The following DGLUCY variants were observed in gnomAD, a reference collection of about 807,000 sequenced individuals.
DGLUCY encodes the protein D-glutamate cyclase.
DGLUCY carries 58 observed loss-of-function variants against 58.5 expected under a neutral mutation model. The observed-to-expected ratio is 0.99, with a 90% confidence interval of 0.80 to 1.23. The LOEUF (loss-of-function observed/expected upper bound fraction) is 1.23, where lower values mean the gene tolerates loss of function less well. Ranked by LOEUF, DGLUCY falls within the 50% of genes most tolerant of loss-of-function variation. The pLI is 0.00. For missense variants in DGLUCY, 779 were observed against 784.7 expected, an observed-to-expected ratio of 0.99 and a Z score of 0.09; for synonymous variants, 325 against 314.1, an observed-to-expected ratio of 1.03 and a Z score of -0.37.
At chr14:91,220,581 T>G (rs1367822641) in intron 13 of DGLUCY, 2 of 456,228 alleles carry the variant, frequency 4.4e-6, no homozygotes, top group Admixed American at 4.7e-5. Flanking sequence ...AGATGCCATG[T>G]GGCGTCATGT....
intron 9 of DGLUCY, among the ~76,000 whole-genome samples, chr14:91,194,327 C>T (rs2050079913): frequency 6.6e-6 from 1 of 152,168 alleles, no homozygotes; most frequent in African/African-American, 2.4e-5. Context: ...GTTCAGCCCC[C>T]TTTCCAGATT....
chr14:91,089,477 T>C (rs61989787), intron 1 of DGLUCY, among the ~76,000 whole-genome samples: 9,110 of 152,262 alleles, frequency 0.06, 375 homozygotes, highest in Non-Finnish European at 0.091. Context: ...TCTGTCGCCT[T>C]ATAAACTAGG....
At chr14:91,164,064 C>G (rs567565148) in intron 3 of DGLUCY, among the ~76,000 whole-genome samples, 1 of 152,168 alleles carries the variant, frequency 6.6e-6, no homozygotes, top group Non-Finnish European at 1.5e-5. Context: ...ATTCTCCTGT[C>G]TCAGCCTCCC....
chr14:91,221,118 C>T (rs1052205824), intron 13 of DGLUCY, among the ~76,000 whole-genome samples: 3 of 152,226 alleles, frequency 2.0e-5, no homozygotes, highest in Non-Finnish European at 4.4e-5. Context: ...TCTGCTCCAT[C>T]TCTGCTCCAG....
At chr14:91,188,851 A>G in intron 8 of DGLUCY, 59 bp from the exon 9 acceptor site, 2 of 1,508,788 alleles carry the variant, frequency 1.3e-6, no homozygotes, top group Non-Finnish European at 1.8e-6. Context: ...ACATACATAC[A>G]TACATACAAA....
chr14:91,147,256 A>T (rs1355374292), intron 1 of DGLUCY, among the ~76,000 whole-genome samples: 2 of 152,178 alleles, frequency 1.3e-5, no homozygotes, highest in Non-Finnish European at 2.9e-5. Context: ...CACTGGTTTT[A>T]TGCAATGTCA....
chr14:91,221,495 T>A (rs1294574101), intron 13 of DGLUCY, among the ~76,000 whole-genome samples: 1 of 150,790 alleles, frequency 6.6e-6, no homozygotes, highest in Non-Finnish European at 1.5e-5. Flanking sequence ...AATGGATGGA[T>A]GCATGGATGG....
At chr14:91,194,502 G>C (rs138645610) in intron 9 of DGLUCY, among the ~76,000 whole-genome samples, 1 of 151,832 alleles carries the variant, frequency 6.6e-6, no homozygotes, top group Non-Finnish European at 1.5e-5. Flanking sequence ...TGTGGGCTGA[G>C]GTTAGGGAGG....
intron 12 of DGLUCY, among the ~76,000 whole-genome samples, chr14:91,206,565 T>C (rs1054993672): frequency 1.3e-5 from 2 of 151,974 alleles, no homozygotes; most frequent in Non-Finnish European, 2.9e-5. Context: ...GTGTTTTTGG[T>C]AGAGACGGGG....
chr14:91,076,695 G>A (rs1050914149), intron 1 of DGLUCY, among the ~76,000 whole-genome samples: 1 of 152,162 alleles, frequency 6.6e-6, no homozygotes, highest in Admixed American at 6.5e-5. Context: ...GCATGGGTGA[G>A]GGATGGAGTA....
chr14:91,196,087 A>G (rs980067922), intron 9 of DGLUCY, among the ~76,000 whole-genome samples: 1 of 152,214 alleles, frequency 6.6e-6, no homozygotes, highest in Non-Finnish European at 1.5e-5. Context: ...GGGCCAGAAC[A>G]GGCCGCTGTT....
chr14:91,204,301 G>A (rs2050745937), intron 11 of DGLUCY, among the ~76,000 whole-genome samples: 1 of 152,140 alleles, frequency 6.6e-6, no homozygotes, highest in African/African-American at 2.4e-5. Context: ...CATTCTTTCA[G>A]CAGAAGCCTT....
At chr14:91,159,611 A>G (rs766013657) in intron 2 of DGLUCY, among the ~76,000 whole-genome samples, 2 of 152,180 alleles carry the variant, frequency 1.3e-5, no homozygotes, top group Non-Finnish European at 2.9e-5. Context: ...TACAATATCT[A>G]TTTACTCACC....
chr14:91,071,322 G>A (rs2043913288), intron 1 of DGLUCY, among the ~76,000 whole-genome samples: 1 of 136,968 alleles, frequency 7.3e-6, no homozygotes, highest in Admixed American at 8.0e-5. Context: ...GGGCAACAGA[G>A]CGAGATTCCA....
intron 1 of DGLUCY, among the ~76,000 whole-genome samples, chr14:91,062,520 C>A (rs2043720079): frequency 7.6e-6 from 1 of 131,970 alleles, no homozygotes; most frequent in Non-Finnish European, 1.6e-5. Context: ...TGCACTTCAG[C>A]CTGGGCAACA....
chr14:91,179,877 T>A (rs1477009325), intron 7 of DGLUCY, among the ~76,000 whole-genome samples: 1 of 149,052 alleles, frequency 6.7e-6, no homozygotes, highest in Non-Finnish European at 1.5e-5. Context: ...ACCACGAGTA[T>A]GCTAAACACT....
intron 1 of DGLUCY, among the ~76,000 whole-genome samples, chr14:91,098,743 G>A (rs1339086058): frequency 6.6e-6 from 1 of 152,148 alleles, no homozygotes; most frequent in Non-Finnish European, 1.5e-5. Context: ...ACTCTATGAG[G>A]ACAGGGATTG....
rs894545903 is a variant in DGLUCY, at chr14:91,114,240, G to C, written c.-125G>C. On this transcript the variant is annotated 5_prime_UTR_variant, in exon 1 of 14. Transcript: ENST00000256324. Reference sequence around the variant, plus strand: ...ATTCTGCAAGGCCGTGGAAACAAAGGGAGGAACTGTTTGTAGCCCTCGTCC... The same window carrying C: ...ATTCTGCAAGGCCGTGGAAACAAAGCGAGGAACTGTTTGTAGCCCTCGTCC... The C allele has an allele frequency of 1.3e-5, 2 of 152,362 alleles. No homozygotes were observed. Among genetic ancestry groups the C allele is most frequent in the African/African-American group, 4.8e-5 (2 of 41,442 alleles). The allele number at this position is 152,362 out of a possible 1,614,324, so 9.4% of individuals were successfully genotyped here. A position where few individuals can be genotyped will look rare whatever the true frequency, so the allele number is the denominator to read the frequency against.
At chr14:91,176,954 T>G (rs2140432192) in intron 7 of DGLUCY, among the ~76,000 whole-genome samples, 1 of 152,070 alleles carries the variant, frequency 6.6e-6, no homozygotes, top group South Asian at 2.1e-4. Context: ...TTCTTCTTTC[T>G]TCTTTCTCTC....
Sources: allele counts gnomAD v4.1 joint callset (sites outside exome capture counted in the v4.1 genomes callset), GRCh38; gene constraint gnomAD v4.1.1; transcripts MANE v1.5; gene names NCBI Gene and HGNC (gene_info 2026-07-23, HGNC 2026-07-21).